Variants in CABP1 observed in about 807,000 individuals in gnomAD.
The protein encoded by CABP1 is calcium binding protein 1, also known as calcium-binding protein 1.
CABP1 carries 17 observed loss-of-function variants against 34.3 expected under a neutral mutation model. The observed-to-expected ratio is 0.50, with a 90% CI of 0.34 to 0.74. The LOEUF is 0.74. Ranked by LOEUF, CABP1 falls within the 30% of genes least tolerant of loss-of-function variation. CABP1 has a pLI of 0.01. For synonymous variants in CABP1, 198 were observed against 229.2 expected (o/e 0.86, Z 1.23); for missense variants, 373 against 511.1 (o/e 0.73, Z 2.61).
downstream of CABP1, among the ~76,000 whole-genome samples, chr12:120,671,402 A>C (rs1881248049): frequency 6.6e-6 from 1 of 152,190 alleles, no homozygotes; most frequent in African/African-American, 2.4e-5. Context: ...AGCAACCACT[A>C]TTTCTGGTCT....
chr12:120,649,919 C>G (rs563972663), intron 1 of CABP1, among the ~76,000 whole-genome samples: 1 of 152,160 alleles, frequency 6.6e-6, no homozygotes, highest in Non-Finnish European at 1.5e-5. Flanking sequence ...TTGCCAGGGG[C>G]AGTGAGTGCT....
chr12:120,643,113 G>A (rs1879413278), intron 1 of CABP1, among the ~76,000 whole-genome samples: 1 of 151,642 alleles, frequency 6.6e-6, no homozygotes, highest in Non-Finnish European at 1.5e-5. Context: ...TAATTTCTCA[G>A]TCATTAAGTG....
At chr12:120,646,288 T>C (rs1879535314) in intron 1 of CABP1, among the ~76,000 whole-genome samples, 1 of 152,204 alleles carries the variant, frequency 6.6e-6, no homozygotes, top group Non-Finnish European at 1.5e-5. Context: ...GTTCAAATGC[T>C]GGTGATAGAA....
chr12:120,641,524 C>T lies in CABP1; in HGVS notation c.654+185C>T. 1 of 558,406 alleles carries T rather than the reference C, an allele frequency of 1.8e-6. No homozygotes were observed. Among genetic ancestry groups the T allele is most frequent in the Non-Finnish European group, 2.7e-6 (1 of 374,594 alleles). The allele number at this position is 558,406 out of a possible 1,614,324, so 34.6% of individuals were successfully genotyped here. ...CTCCTCCCCGTGCCTGATTCAGCAC[C>T]CCGTGCGCTGTCCACGCTCCGGGCC... On this transcript the variant is annotated intron_variant, in intron 1 of 5. Coordinates refer to ENST00000316803, the MANE Select transcript of CABP1 (RefSeq NM_001033677.2). The surrounding 1 kb of genome is among the most constrained non-coding windows in gnomAD (Gnocchi z 6.7).
Position 120,648,328 on chromosome 12 carries a change from AC to A in CABP1, c.654+6991del, listed in dbSNP as rs1593156194. On this transcript the variant is annotated intron_variant, in intron 1 of 5. Coordinates refer to ENST00000316803, the MANE Select transcript of CABP1 (RefSeq NM_001033677.2). Reference sequence around the variant, plus strand: ...GTCCCAGCTCTAATATCTCCTGCCCACCTGCTAGAATGTAAGCGTCCTGAAA... The same window carrying A: ...GTCCCAGCTCTAATATCTCCTGCCCACTGCTAGAATGTAAGCGTCCTGAAA... Among the ~76,000 whole-genome samples the A allele has an allele frequency of 2.6e-5, 4 of 152,162 alleles. No homozygotes were observed. The East Asian group carries it at 7.7e-4, about 29-fold the overall frequency.
intron 1 of CABP1, among the ~76,000 whole-genome samples, chr12:120,651,649 T>G (rs1193398141): frequency 6.6e-6 from 1 of 152,194 alleles, no homozygotes; most frequent in Non-Finnish European, 1.5e-5. Context: ...GCTATTGGCG[T>G]CTGTATCCCC....
At chr12:120,655,606 A>C in intron 1 of CABP1, 2 of 1,323,530 alleles carry the variant, frequency 1.5e-6, no homozygotes, top group Non-Finnish European at 1.9e-6. Flanking sequence ...TCCAGCGGGG[A>C]TCTGGCTGGA....
At chr12:120,649,049 C>T (rs1161845510) in intron 1 of CABP1, among the ~76,000 whole-genome samples, 1 of 152,000 alleles carries the variant, frequency 6.6e-6, no homozygotes, top group Non-Finnish European at 1.5e-5. Flanking sequence ...AATACCCGCC[C>T]CCCAGGCTCC....
At chr12:120,674,531 C>T in the CABP1 span, among the ~76,000 whole-genome samples, 1 of 152,168 alleles carries the variant, frequency 6.6e-6, no homozygotes, top group Admixed American at 6.5e-5. Context: ...TAATGGTTGT[C>T]TTTCCTACAG....
At chr12:120,679,550 G>C in the CABP1 span, among the ~76,000 whole-genome samples, 1 of 152,170 alleles carries the variant, frequency 6.6e-6, no homozygotes, top group Non-Finnish European at 1.5e-5. Flanking sequence ...ATTTTGGGCT[G>C]GGCGCAGTGG....
chr12:120,660,135 TG>T lies in CABP1; in HGVS notation c.686-60del, dbSNP rs1880534067. On this transcript the variant is annotated intron_variant, in intron 2 of 5. Coordinates refer to ENST00000316803, the MANE Select transcript of CABP1 (RefSeq NM_001033677.2). The surrounding 1 kb of genome is among the most constrained non-coding windows in gnomAD (Gnocchi z 5.0). The stretch of plus-strand genomic sequence containing the variant: ...TGCCGGTGGGCCTTTGGGCTGCCTT[TG>T]CCCACAGAGGCTCTGCGGGTCCTAC... The T allele has an allele frequency of 6.3e-7, 1 of 1,598,050 alleles. No individual in the cohort carries two copies.
chr12:120,675,746 A>G, the CABP1 span, among the ~76,000 whole-genome samples: 1 of 152,186 alleles, frequency 6.6e-6, no homozygotes, highest in Non-Finnish European at 1.5e-5. Context: ...CTTGTCCAGC[A>G]TAGTGTCTTC....
chr12:120,669,841 C>T (rs1465657203), downstream of CABP1, among the ~76,000 whole-genome samples: 1 of 152,164 alleles, frequency 6.6e-6, no homozygotes, highest in Non-Finnish European at 1.5e-5. Context: ...CCCCTTAATG[C>T]TCAGGGTAAG....
intron 1 of CABP1, among the ~76,000 whole-genome samples, chr12:120,653,872 T>C (rs1157501655): frequency 1.3e-5 from 2 of 152,186 alleles, no homozygotes; most frequent in African/African-American, 4.8e-5. Flanking sequence ...CCTCCCTGCC[T>C]TCCTGGGTTA....
chr12:120,650,430 A>AC, intron 1 of CABP1: 11 of 1,301,886 alleles, frequency 8.4e-6, no homozygotes, highest in South Asian at 7.9e-5. Flanking sequence ...CACACAATCC[A>AC]CCCAAAAAAA....
chr12:120,679,859 T>G, the CABP1 span, among the ~76,000 whole-genome samples: 1 of 151,670 alleles, frequency 6.6e-6, no homozygotes, highest in African/African-American at 2.4e-5. Context: ...AAAGAAATTA[T>G]GGCAAATTTT....
Position 120,641,450 on chromosome 12 carries a change from C to T in CABP1, c.654+111C>T, listed in dbSNP as rs1879318060. On this transcript the variant is annotated intron_variant, in intron 1 of 5. Coordinates refer to ENST00000316803, the MANE Select transcript of CABP1 (RefSeq NM_001033677.2). The surrounding 1 kb of genome is among the most constrained non-coding windows in gnomAD (Gnocchi z 6.7). ...GCGGCCCGTGGTCCCCCACGGATCA[C>T]GCCTCGGCTCACCTCGTCCTCCCCG... 3.5e-6 allele frequency: 4 copies of T among 1,144,332 alleles called. No homozygotes were observed. The highest frequency in any genetic ancestry group is 4.3e-5 in the South Asian group (1 of 23,504). The allele number at this position is 1,144,332 out of a possible 1,614,324, so 70.9% of individuals were successfully genotyped here.
downstream of CABP1, among the ~76,000 whole-genome samples, chr12:120,669,959 CTTTTGTT>C (rs1426901423): frequency 1.3e-5 from 2 of 151,786 alleles, no homozygotes; most frequent in African/African-American, 4.8e-5. Flanking sequence ...TTTTTATTTG[CTTTTGTT>C]TTTTGTTTTG....
chr12:120,658,376 G>A (rs772183320), intron 1 of CABP1, among the ~76,000 whole-genome samples: 2 of 152,082 alleles, frequency 1.3e-5, no homozygotes, highest in Non-Finnish European at 2.9e-5. Context: ...AGGATTACAG[G>A]CGTGGACCAC....
Sources: allele counts gnomAD v4.1 joint callset (sites outside exome capture counted in the v4.1 genomes callset), GRCh38; gene constraint gnomAD v4.1.1; non-coding constraint Gnocchi (gnomAD v3.1); transcripts MANE v1.5; gene names NCBI Gene and HGNC (gene_info 2026-07-23, HGNC 2026-07-21).